Variants in RMND5A observed in about 807,000 individuals in gnomAD.
RMND5A encodes E3 ubiquitin-protein transferase RMND5A.
Under a neutral mutation model 49.7 loss-of-function variants are expected in RMND5A, and 17 were observed. The observed-to-expected ratio is 0.34, with a 90% confidence interval of 0.23 to 0.51. The LOEUF (loss-of-function observed/expected upper bound fraction) is 0.51, where lower values mean the gene tolerates loss of function less well. Among genes scored for constraint, RMND5A ranks in the 20% least tolerant of loss-of-function variants. The pLI is 0.96. For missense variants in RMND5A, 255 were observed against 471.3 expected (o/e 0.54, Z 4.25); for synonymous variants, 156 against 167.7 (o/e 0.93, Z 0.54).
At chr2:86,756,318 A>G (rs1558723850) in intron 4 of RMND5A, among the ~76,000 whole-genome samples, 2 of 152,278 alleles carry the variant, frequency 1.3e-5, no homozygotes, top group Non-Finnish European at 2.9e-5. Context: ...ACTTGAGCCC[A>G]GGAGGCGGAG....
intron 5 of RMND5A, chr2:86,765,513 A>C (rs920531968): frequency 8.5e-6 from 3 of 351,204 alleles, no homozygotes; most frequent in Non-Finnish European, 1.5e-5. Flanking sequence ...CAGAGAGCCA[A>C]GGTGGCAACT....
intron 7 of RMND5A, among the ~76,000 whole-genome samples, chr2:86,771,020 A>G (rs1672677889): frequency 6.6e-6 from 1 of 151,776 alleles, no homozygotes; most frequent in Non-Finnish European, 1.5e-5. Flanking sequence ...CCAGCAGGTA[A>G]CCCTGTCAGT....
intron 6 of RMND5A, among the ~76,000 whole-genome samples, chr2:86,766,737 C>T (rs1326537725): frequency 1.3e-5 from 2 of 151,524 alleles, no homozygotes; most frequent in Non-Finnish European, 2.9e-5. Context: ...TCTGTAATTC[C>T]AGCACTTTGG....
At chr2:86,764,756 G>T (rs1235037845) in intron 4 of RMND5A, among the ~76,000 whole-genome samples, 1 of 152,196 alleles carries the variant, frequency 6.6e-6, no homozygotes, top group Non-Finnish European at 1.5e-5. Context: ...GTGGTCCTAT[G>T]CAAGTTCAGA....
intron 2 of RMND5A, among the ~76,000 whole-genome samples, chr2:86,746,910 C>T (rs879716835): frequency 1.4e-4 from 21 of 152,178 alleles, no homozygotes; most frequent in African/African-American, 3.9e-4. Context: ...GTATAAATAC[C>T]GTAAGGAGAA....
chr2:86,773,793 T>A lies in RMND5A; in HGVS notation c.*382T>A, dbSNP rs1242782770. On this transcript the variant is annotated 3_prime_UTR_variant, in exon 9 of 9. Coordinates refer to ENST00000283632, the MANE Select transcript of RMND5A (RefSeq NM_022780.4). The stretch of plus-strand genomic sequence containing the variant: ...TCATTTTCTTGATAATCGTAAGCCT[T>A]GAGAGTGTTTGTGAAAAAGTTTTAT... The A allele has an allele frequency of 1.3e-5, 2 of 157,938 alleles. No individual in the cohort carries two copies. The highest frequency in any genetic ancestry group is 2.8e-5 in the Non-Finnish European group (2 of 71,766). The allele number at this position is 157,938 out of a possible 1,614,324, so 9.8% of individuals were successfully genotyped here.
At chr2:86,750,755 A>G (rs1681621053) in intron 2 of RMND5A, among the ~76,000 whole-genome samples, 1 of 140,452 alleles carries the variant, frequency 7.1e-6, no homozygotes. Context: ...ATTTTCCCAC[A>G]GGTCCCTGAG....
chr2:86,745,287 A>G lies in RMND5A; in HGVS notation c.285+4218A>G, dbSNP rs150347334. 1.4e-4 allele frequency among the ~76,000 whole-genome samples: 22 copies of G among 152,326 alleles called. No individual in the cohort carries two copies. In the East Asian group the frequency reaches 3.7e-3, roughly 25 times the overall value. ...GCTGACCACATACTACATGTCCTTT[A>G]TAAGATTGCTGTTTTGTATATGTAA... On this transcript the variant is annotated intron_variant, in intron 2 of 8. Transcript: ENST00000283632.
intron 2 of RMND5A, among the ~76,000 whole-genome samples, chr2:86,741,742 A>G (rs1464890544): frequency 2.6e-5 from 4 of 151,270 alleles, no homozygotes; most frequent in African/African-American, 9.7e-5. Flanking sequence ...GAAGTAGTTC[A>G]AGGTTACTGT....
chr2:86,747,741 C>T (rs569774232), intron 2 of RMND5A, among the ~76,000 whole-genome samples: 4 of 152,254 alleles, frequency 2.6e-5, no homozygotes, highest in South Asian at 2.1e-4. Flanking sequence ...ATTTGAGAAA[C>T]GGATGGGTTT....
intron 6 of RMND5A, among the ~76,000 whole-genome samples, chr2:86,769,465 G>A (rs1365013418): frequency 1.3e-5 from 2 of 152,226 alleles, no homozygotes; most frequent in Admixed American, 6.5e-5. Flanking sequence ...ATATTGCTGA[G>A]TGAAGAATTT....
In RMND5A at chr2:86,771,682, A is replaced by G; in HGVS notation, c.1082A>G (p.Asp361Gly). 6.2e-7 allele frequency: 1 copy of G among 1,611,558 alleles called. No individual in the cohort carries two copies. Among genetic ancestry groups the G allele is most frequent in the Non-Finnish European group, 8.5e-7 (1 of 1,178,860 alleles). The part of the protein sequence containing the change: ...KLVCGHIISR[D>G]ALNKMFNGSK... ...GTCTGTGGTCATATTATATCAAGAG[A>G]TGCCCTGAATAAAATGTTTAATGGT... Residue 361 changes from aspartate (D) to glycine (G), a missense_variant, in exon 8 of 9, where the codon GAT (aspartate) becomes GGT (glycine). Physicochemically the swap from Asp to Gly is moderately conservative, Grantham distance 94. Coordinates refer to ENST00000283632, the MANE Select transcript of RMND5A (RefSeq NM_022780.4).
chr2:86,766,676 A>G (rs930168604), intron 6 of RMND5A, among the ~76,000 whole-genome samples: 5 of 144,844 alleles, frequency 3.5e-5, no homozygotes, highest in Non-Finnish European at 7.7e-5. Context: ...AAAAAAAAAA[A>G]AAAAAAGAAA....
chr2:86,747,226 G>A (rs898260283), intron 2 of RMND5A, among the ~76,000 whole-genome samples: 1 of 152,200 alleles, frequency 6.6e-6, no homozygotes, highest in Non-Finnish European at 1.5e-5. Flanking sequence ...TGGGTGTGAA[G>A]TAGTATCTAG....
chr2:86,775,056 T>C lies in RMND5A; in HGVS notation c.*1645T>C, dbSNP rs1352061078. On this transcript the variant is annotated 3_prime_UTR_variant, in exon 9 of 9. Transcript: ENST00000283632. ...GTGCGGCTTCACCAGCGGTTGGGAT[T>C]GGCCCAGCTTGGAGTGCTTGTGTGG... 1.3e-5 allele frequency: 2 copies of C among 152,688 alleles called. No individual in the cohort carries two copies. Among genetic ancestry groups the C allele is most frequent in the East Asian group, 1.9e-4 (1 of 5,194 alleles). The allele number at this position is 152,688 out of a possible 1,614,324, so 9.5% of individuals were successfully genotyped here.
chr2:86,720,898 G>T (rs1302754475), intron 1 of RMND5A, 89 bp downstream of exon 1: 6 of 1,305,284 alleles, frequency 4.6e-6, no homozygotes, highest in South Asian at 3.0e-5. Context: ...ACCCACCCTC[G>T]CGCCTCTGGC....
intron 2 of RMND5A, among the ~76,000 whole-genome samples, chr2:86,745,099 G>A (rs1350631335): frequency 2.0e-5 from 3 of 151,274 alleles, no homozygotes; most frequent in East Asian, 1.9e-4. Flanking sequence ...CCAGTTTAGG[G>A]TATTTTATTC....
intron 7 of RMND5A, chr2:86,771,347 CTT>C (rs1365689827): frequency 1.7e-5 from 8 of 461,916 alleles, no homozygotes; most frequent in Non-Finnish European, 3.1e-5. Flanking sequence ...TGTTTTTACA[CTT>C]TGTCAGCTTT....
rs754445870 is a variant in RMND5A at position 86,765,842 on chromosome 2, G to A, written c.689-17G>A. The A allele has an allele frequency of 6.2e-7, 1 of 1,611,294 alleles. No individual in the cohort carries two copies. The highest frequency in any genetic ancestry group is 1.3e-5 in the African/African-American group (1 of 74,856). ...ACTGCAAGCAAACTAATGCTTTCTTGCTGGTGCTTTTTTTAGACATTCAGG... is the reference window on the plus strand; with the variant it reads ...ACTGCAAGCAAACTAATGCTTTCTTACTGGTGCTTTTTTTAGACATTCAGG... On this transcript the variant is annotated splice_polypyrimidine_tract_variant and intron_variant, in intron 5 of 8. Coordinates refer to ENST00000283632, the MANE Select transcript of RMND5A (RefSeq NM_022780.4).
Sources: allele counts gnomAD v4.1 joint callset (sites outside exome capture counted in the v4.1 genomes callset), GRCh38; gene constraint gnomAD v4.1.1; transcripts MANE v1.5; gene names NCBI Gene and HGNC (gene_info 2026-07-23, HGNC 2026-07-21).